CDH18: variants seen among roughly 807,000 people sequenced by gnomAD.
The protein encoded by CDH18 is cadherin-18.
CDH18 carries 31 observed loss-of-function variants against 67.9 expected under a neutral mutation model. The observed-to-expected ratio is 0.46, with a 90% CI of 0.34 to 0.62. The LOEUF is 0.62. Ranked by LOEUF, CDH18 falls within the 20% of genes least tolerant of loss-of-function variation. The pLI is 0.01. For synonymous variants in CDH18, 362 were observed against 347.2 expected, an observed-to-expected ratio of 1.04 and a Z score of -0.48; for missense variants, 890 against 975.5, an observed-to-expected ratio of 0.91 and a Z score of 1.17.
intron 1 of CDH18, among the ~76,000 whole-genome samples, chr5:20,334,691 T>C (rs1214133031): frequency 2.6e-5 from 4 of 151,164 alleles, no homozygotes; most frequent in Non-Finnish European, 4.4e-5. Flanking sequence ...TTAAAAGAAA[T>C]TCTCCTAATT....
At chr5:20,160,661 G>T (rs546055432) in intron 2 of CDH18, among the ~76,000 whole-genome samples, 2 of 152,058 alleles carry the variant, frequency 1.3e-5, no homozygotes, top group East Asian at 3.9e-4. Context: ...ATAGAAAGAA[G>T]GCCCAAATAG....
chr5:19,627,826 G>A (rs1751784901), intron 5 of CDH18, among the ~76,000 whole-genome samples: 1 of 152,094 alleles, frequency 6.6e-6, no homozygotes. Context: ...GGCTATTTCA[G>A]GTACATTCAT....
chr5:19,917,729 T>C (rs975217888), intron 2 of CDH18, among the ~76,000 whole-genome samples: 35 of 152,284 alleles, frequency 2.3e-4, no homozygotes, highest in Middle Eastern at 3.4e-3. Flanking sequence ...AGGTAGAGCA[T>C]TGCATTATTT....
At chr5:20,305,320 C>A (rs905922536) in intron 1 of CDH18, 6 of 1,572,102 alleles carry the variant, frequency 3.8e-6, no homozygotes, top group East Asian at 4.5e-5. Context: ...AACATTTCTG[C>A]GCTTTGCTTT....
chr5:19,581,508 T>C (rs1743251249), intron 7 of CDH18, among the ~76,000 whole-genome samples: 1 of 152,028 alleles, frequency 6.6e-6, no homozygotes. Context: ...ATATTGAAAA[T>C]GCTGTTTAGC....
intron 1 of CDH18, among the ~76,000 whole-genome samples, chr5:20,508,325 A>T (rs1323275369): frequency 2.5e-4 from 3 of 12,144 alleles, no homozygotes; most frequent in East Asian, 2.4e-3. Context: ...GACTATGATT[A>T]TATATATATA....
At chr5:20,260,546 T>C (rs1744570891) in intron 1 of CDH18, among the ~76,000 whole-genome samples, 1 of 152,144 alleles carries the variant, frequency 6.6e-6, no homozygotes, top group Non-Finnish European at 1.5e-5. Context: ...GGGGTGGACA[T>C]ATTTTGCATT....
chr5:19,479,406 T>G (rs1171008357), intron 12 of CDH18, among the ~76,000 whole-genome samples: 1 of 152,230 alleles, frequency 6.6e-6, no homozygotes, highest in South Asian at 2.1e-4. Context: ...ATCTCATAAA[T>G]TAACTTCAAC....
chr5:20,460,890 A>G (rs1294573888), intron 1 of CDH18, among the ~76,000 whole-genome samples: 1 of 152,210 alleles, frequency 6.6e-6, no homozygotes, highest in Non-Finnish European at 1.5e-5. Context: ...TTTTGTCGCC[A>G]TGAGTAACTT....
At chr5:20,509,982 G>A (rs1212320959) in intron 1 of CDH18, among the ~76,000 whole-genome samples, 4 of 152,108 alleles carry the variant, frequency 2.6e-5, no homozygotes, top group Non-Finnish European at 5.9e-5. Context: ...TTTCATAATG[G>A]CTGTACAAGT....
At chr5:20,111,901 A>T (rs2126347694) in intron 2 of CDH18, among the ~76,000 whole-genome samples, 1 of 152,290 alleles carries the variant, frequency 6.6e-6, no homozygotes, top group African/African-American at 2.4e-5. Flanking sequence ...TACTTAATTT[A>T]CCAATTTCCT....
intron 1 of CDH18, among the ~76,000 whole-genome samples, chr5:20,518,729 T>C (rs1054030288): frequency 2.0e-5 from 3 of 152,200 alleles, no homozygotes; most frequent in Non-Finnish European, 4.4e-5. Flanking sequence ...CCAAATCCCT[T>C]ACTAAGACAG....
intron 1 of CDH18, among the ~76,000 whole-genome samples, chr5:20,401,707 A>G (rs1185673181): frequency 6.6e-6 from 1 of 152,166 alleles, no homozygotes; most frequent in African/African-American, 2.4e-5. Flanking sequence ...ACCCACTAGC[A>G]AAATCTCCAT....
intron 1 of CDH18, among the ~76,000 whole-genome samples, chr5:20,456,395 C>T (rs147373072): frequency 1.8e-3 from 280 of 152,056 alleles, no homozygotes; most frequent in African/African-American, 6.5e-3. Flanking sequence ...TATATAAAAA[C>T]CAAAAAGGTA....
chr5:19,654,483 G>C (rs1033626269), intron 5 of CDH18, among the ~76,000 whole-genome samples: 1 of 152,150 alleles, frequency 6.6e-6, no homozygotes, highest in Non-Finnish European at 1.5e-5. Flanking sequence ...TTTAGCCGCT[G>C]TGCATTCAAA....
chr5:20,521,876 G>T (rs1458733019), intron 1 of CDH18, among the ~76,000 whole-genome samples: 2 of 151,842 alleles, frequency 1.3e-5, no homozygotes, highest in African/African-American at 4.8e-5. Flanking sequence ...TGAAACTAAT[G>T]AATAAAACCT....
At position 20,247,428 on chromosome 5, in the gene CDH18, A is replaced by G. The variant is rs891706650; in HGVS notation, c.-518+8016T>C. Among the ~76,000 whole-genome samples, 6 of 152,202 alleles carry G rather than the reference A, an allele frequency of 3.9e-5. No homozygotes were observed. In the East Asian group the frequency reaches 1.2e-3, roughly 29 times the overall value. On this transcript the variant is annotated intron_variant, in intron 2 of 14. Coordinates refer to the CDH18 transcript ENST00000507958. The stretch of plus-strand genomic sequence containing the variant: ...ATATGGTTAGTTAACTACAGTTGTT[A>G]AGACAGCAGACTAGGTAAGATGAAA...
intron 2 of CDH18, among the ~76,000 whole-genome samples, chr5:19,935,059 G>A (rs886860481): frequency 6.6e-6 from 1 of 151,236 alleles, no homozygotes; most frequent in Non-Finnish European, 1.5e-5. Flanking sequence ...CTGAGAAAGA[G>A]GAAGTAAGTT....
rs191656353 is a variant in CDH18 at position 20,411,578 on chromosome 5, A to G, written c.-579-156073T>C. Among the ~76,000 whole-genome samples the G allele has an allele frequency of 8.2e-4, 125 of 152,186 alleles. 1 individual carries two copies. The highest frequency in any genetic ancestry group is 2.9e-3 in the African/African-American group (119 of 41,552). ...CTGCATAACACATAACAAAGGTATG[A>G]ACAGCAAAATGATGGATAAACGGGA... On this transcript the variant is annotated intron_variant, in intron 1 of 14. Transcript: ENST00000507958.
Sources: gnomAD v4.1 joint callset for allele counts (sites outside exome capture counted in the v4.1 genomes callset) on GRCh38, gnomAD v4.1.1 for gene constraint, MANE v1.5 for transcripts, NCBI Gene and HGNC (gene_info 2026-07-23, HGNC 2026-07-21) for gene names.